The following CFAP300 variants were observed in gnomAD, a reference collection of about 807,000 sequenced individuals.
The protein encoded by CFAP300 is cilia- and flagella-associated protein 300.
In CFAP300, 32 loss-of-function variants were observed where a neutral mutation model predicts 33.0. The observed-to-expected ratio is 0.97, with a 90% CI of 0.73 to 1.30. CFAP300 has a LOEUF of 1.30. Ranked by LOEUF, CFAP300 falls within the 50% of genes most tolerant of loss-of-function variation. The pLI, the probability that CFAP300 is intolerant of heterozygous loss-of-function variation, is 0.00. For synonymous variants in CFAP300, 102 were observed against 106.8 expected (o/e 0.95, Z 0.28); for missense variants, 356 against 318.1 (o/e 1.12, Z -0.90).
Position 102,083,086 on chromosome 11 carries a change from T to A in CFAP300, c.691T>A (p.Cys231Ser). Reference sequence around the variant, plus strand: ...TCTTTTTCAGGATTCTGCTGGTATGTGCTATCCTTCAGCAAAGAATCATGA... The same window carrying A: ...TCTTTTTCAGGATTCTGCTGGTATGAGCTATCCTTCAGCAAAGAATCATGA... ...KVSAYDSAGM[C>S]YPSAKNHEQT... Residue 231 changes from cysteine to serine, a missense_variant, in exon 7 of 7, where the codon TGC (cysteine) becomes AGC (serine). By Grantham distance (112) the Cys-to-Ser change is moderately radical. Transcript: ENST00000434758. The A allele has an allele frequency of 6.6e-7, 1 of 1,515,722 alleles. No individual in the cohort carries two copies. The highest frequency in any genetic ancestry group is 8.9e-7 in the Non-Finnish European group (1 of 1,129,214). 93.9% of individuals were successfully genotyped at this position (1,515,722 alleles called of 1,614,324 possible). A position where few individuals can be genotyped will look rare whatever the true frequency, so the allele number is the denominator to read the frequency against.
intron 3 of CFAP300, among the ~76,000 whole-genome samples, chr11:102,061,896 C>T (rs939016485): frequency 1.3e-5 from 2 of 152,174 alleles, no homozygotes; most frequent in Non-Finnish European, 2.9e-5. Flanking sequence ...CATTACATGT[C>T]TTATAAATGC....
At chr11:102,081,569 C>A in intron 6 of CFAP300, 1 of 455,088 alleles carries the variant, frequency 2.2e-6, no homozygotes, top group Non-Finnish European at 3.8e-6. Context: ...CTTAGTCTGT[C>A]AAACCATCAT....
chr11:102,078,284 A>C lies in CFAP300; in HGVS notation c.608+2239A>C, dbSNP rs1258342769. On this transcript the variant is annotated intron_variant, in intron 5 of 6. Coordinates refer to ENST00000434758, the MANE Select transcript of CFAP300 (RefSeq NM_032930.3). ...AATATGGGACTGATCCTCAGAAATA[A>C]TCGCAAATGACATTGACAAGAAACA... is the stretch of plus-strand genomic sequence containing the variant. Among the ~76,000 whole-genome samples the C allele has an allele frequency of 2.0e-5, 3 of 152,210 alleles. No individual in the cohort carries two copies. In the East Asian group the frequency reaches 5.8e-4, roughly 29 times the overall value.
chr11:102,078,852 G>T (rs1942436104), intron 5 of CFAP300, among the ~76,000 whole-genome samples: 1 of 152,138 alleles, frequency 6.6e-6, no homozygotes, highest in African/African-American at 2.4e-5. Context: ...GGGACTACAG[G>T]CGCATGCCAC....
chr11:102,080,335 G>T (rs1328854401), intron 5 of CFAP300, among the ~76,000 whole-genome samples: 1 of 151,896 alleles, frequency 6.6e-6, no homozygotes, highest in East Asian at 1.9e-4. Context: ...GAAAACTACT[G>T]AAAAAAATTA....
intron 4 of CFAP300, among the ~76,000 whole-genome samples, chr11:102,074,945 G>A (rs948049891): frequency 3.3e-5 from 5 of 151,494 alleles, no homozygotes; most frequent in Admixed American, 6.6e-5. Context: ...GGCCTCAAGC[G>A]ATCCTCCTGC....
chr11:102,070,696 C>G (rs1256497393), intron 4 of CFAP300, among the ~76,000 whole-genome samples: 2 of 152,058 alleles, frequency 1.3e-5, no homozygotes, highest in Non-Finnish European at 1.5e-5. Flanking sequence ...GTAAACTTCT[C>G]TTTTAGCACT....
intron 6 of CFAP300, among the ~76,000 whole-genome samples, chr11:102,082,676 T>A (rs1252209091): frequency 6.6e-6 from 1 of 152,196 alleles, no homozygotes; most frequent in Non-Finnish European, 1.5e-5. Flanking sequence ...AATATATTGA[T>A]TATCACTTAA....
chr11:102,050,393 C>T (rs1039450132), intron 2 of CFAP300, among the ~76,000 whole-genome samples: 5 of 152,202 alleles, frequency 3.3e-5, no homozygotes, highest in African/African-American at 1.2e-4. Flanking sequence ...AACAAAAACT[C>T]ACTACTGAAC....
intron 3 of CFAP300, among the ~76,000 whole-genome samples, chr11:102,063,595 A>C (rs192112512): frequency 1.3e-5 from 2 of 152,210 alleles, no homozygotes; most frequent in Admixed American, 1.3e-4. Flanking sequence ...CAAGAGGCCA[A>C]GGTGGGAGGA....
At chr11:102,060,506 A>G (rs1942134293) in intron 3 of CFAP300, among the ~76,000 whole-genome samples, 1 of 152,156 alleles carries the variant, frequency 6.6e-6, no homozygotes, top group Admixed American at 6.6e-5. Flanking sequence ...TTAAACACTT[A>G]GTAGCACTCA....
chr11:102,047,700 C>T (rs1273167975), intron 1 of CFAP300, 115 bp from the exon 2 acceptor site: 23 of 1,460,004 alleles, frequency 1.6e-5, no homozygotes, highest in Non-Finnish European at 2.1e-5. Flanking sequence ...CTGAGGCTTC[C>T]TGAGTGAACC....
At chr11:102,050,085 G>A (rs1302904075) in intron 2 of CFAP300, among the ~76,000 whole-genome samples, 4 of 151,980 alleles carry the variant, frequency 2.6e-5, no homozygotes, top group African/African-American at 9.6e-5. Flanking sequence ...AGCTATGATC[G>A]CACCTCTGCA....
chr11:102,081,033 G>T (rs1411201059), intron 5 of CFAP300, among the ~76,000 whole-genome samples, 182 bp from the exon 6 acceptor site: 1 of 152,152 alleles, frequency 6.6e-6, no homozygotes, highest in Admixed American at 6.5e-5. Flanking sequence ...TTTCAATTCA[G>T]TTGACCTTGC....
At chr11:102,082,953 C>T (rs936814745) in intron 6 of CFAP300, 118 bp from the exon 7 acceptor site, 16 of 362,080 alleles carry the variant, frequency 4.4e-5, no homozygotes, top group Non-Finnish European at 6.5e-5. Context: ...GCCGAGATCG[C>T]GCCACTGCAC....
chr11:102,049,398 A>G (rs1027443058), intron 2 of CFAP300, among the ~76,000 whole-genome samples: 2 of 152,192 alleles, frequency 1.3e-5, no homozygotes, highest in African/African-American at 2.4e-5. Flanking sequence ...CCTCATCTTA[A>G]TTAATTACAT....
chr11:102,082,417 G>A (rs1470212037), intron 6 of CFAP300, among the ~76,000 whole-genome samples: 1 of 151,418 alleles, frequency 6.6e-6, no homozygotes, highest in Non-Finnish European at 1.5e-5. Flanking sequence ...AACAAAGATA[G>A]AAAATTGCTA....
chr11:102,060,795 A>G (rs1017186977), intron 3 of CFAP300, among the ~76,000 whole-genome samples: 7 of 152,290 alleles, frequency 4.6e-5, no homozygotes, highest in African/African-American at 1.4e-4. Context: ...GAACAAGATT[A>G]CAAACAGTTC....
In CFAP300 at chr11:102,076,007, T is replaced by C; in HGVS notation, c.570T>C (p.Tyr190=). 1 of 1,613,372 alleles carries C rather than the reference T, an allele frequency of 6.2e-7. No homozygotes were observed. Among genetic ancestry groups the C allele is most frequent in the Non-Finnish European group, 8.5e-7 (1 of 1,179,792 alleles). ...AATATGAGGATGTGATTAGCCCATA[T>C]CTGGAAACAACAAAGCTTATCTATA... is the stretch of plus-strand genomic sequence containing the variant. ...LCQYEDVISP[Y]LETTKLIYKD... is the part of the protein sequence containing the mutation. Residue 190 remains tyrosine, a synonymous_variant, in exon 5 of 7, where the codon TAT becomes TAC. Coordinates refer to ENST00000434758, the MANE Select transcript of CFAP300 (RefSeq NM_032930.3).
Sources: allele counts gnomAD v4.1 joint callset (sites outside exome capture counted in the v4.1 genomes callset), GRCh38; gene constraint gnomAD v4.1.1; transcripts MANE v1.5; gene names NCBI Gene and HGNC (gene_info 2026-07-23, HGNC 2026-07-21).